Variants in HPSE2 observed in about 807,000 individuals in gnomAD.
The protein encoded by HPSE2 is heparanase 2 (inactive), also known as inactive heparanase-2.
Under a neutral mutation model 60.5 loss-of-function variants are expected in HPSE2, and 38 were observed. The ratio of observed to expected loss-of-function variants is 0.63; its 90% CI spans 0.48 to 0.82. The LOEUF is 0.82. Among genes scored for constraint, HPSE2 ranks in the 40% least tolerant of loss-of-function variants. The pLI is 0.00. For synonymous variants in HPSE2, 295 were observed against 293.2 expected (o/e 1.01, Z -0.06); for missense variants, 713 against 740.4 (o/e 0.96, Z 0.43).
chr10:98,548,263 A>T (rs535116151), intron 9 of HPSE2, among the ~76,000 whole-genome samples: 1 of 152,286 alleles, frequency 6.6e-6, no homozygotes, highest in South Asian at 2.1e-4. Flanking sequence ...GACAGAAAAA[A>T]GTATATTGTT....
At chr10:98,593,270 GA>G (rs1945139706) in intron 9 of HPSE2, among the ~76,000 whole-genome samples, 1 of 152,262 alleles carries the variant, frequency 6.6e-6, no homozygotes, top group Non-Finnish European at 1.5e-5. Flanking sequence ...CTGCACTTAG[GA>G]ATTACTGAGT....
chr10:99,182,806 C>A (rs1847826534), intron 2 of HPSE2, among the ~76,000 whole-genome samples: 1 of 152,022 alleles, frequency 6.6e-6, no homozygotes, highest in East Asian at 1.9e-4. Context: ...ACCATCCTGG[C>A]CAACATGGTG....
At chr10:98,645,139 A>T (rs1291560493) in intron 6 of HPSE2, among the ~76,000 whole-genome samples, 3 of 152,164 alleles carry the variant, frequency 2.0e-5, no homozygotes, top group Non-Finnish European at 4.4e-5. Flanking sequence ...CTTGGAGAAC[A>T]CTGTTGCCAA....
At chr10:98,571,650 C>T (rs147066407) in intron 9 of HPSE2, among the ~76,000 whole-genome samples, 10 of 150,830 alleles carry the variant, frequency 6.6e-5, no homozygotes, top group African/African-American at 2.4e-4. Flanking sequence ...TACTGGACTC[C>T]AATTTCAAAA....
chr10:98,567,486 T>C (rs952984987), intron 9 of HPSE2, among the ~76,000 whole-genome samples: 8 of 152,140 alleles, frequency 5.3e-5, no homozygotes, highest in Admixed American at 5.2e-4. Context: ...AGGTATTAAA[T>C]GTTTTGTGGT....
chr10:98,675,242 C>T (rs2134121515), intron 6 of HPSE2, among the ~76,000 whole-genome samples: 1 of 152,262 alleles, frequency 6.6e-6, no homozygotes, highest in African/African-American at 2.4e-5. Context: ...ACTTCTTTTA[C>T]ATCTGTGTTC....
At chr10:98,980,745 C>A (rs539463452) in intron 3 of HPSE2, among the ~76,000 whole-genome samples, 1 of 152,142 alleles carries the variant, frequency 6.6e-6, no homozygotes, top group Admixed American at 6.6e-5. Flanking sequence ...AGTATGGACG[C>A]TTTCTCAGGC....
At chr10:98,895,398 G>T (rs1953458315) in intron 3 of HPSE2, among the ~76,000 whole-genome samples, 1 of 152,112 alleles carries the variant, frequency 6.6e-6, no homozygotes, top group Admixed American at 6.5e-5. Context: ...TACAGCCACA[G>T]AGTCCATGTA....
chr10:98,869,429 A>C (rs557340347), intron 3 of HPSE2, among the ~76,000 whole-genome samples: 23 of 152,322 alleles, frequency 1.5e-4, no homozygotes, highest in Non-Finnish European at 2.5e-4. Context: ...CACTTACTAC[A>C]ACAATGTTGT....
chr10:98,695,597 T>C (rs17110694), intron 5 of HPSE2, among the ~76,000 whole-genome samples: 7,033 of 152,248 alleles, frequency 0.046, 428 homozygotes, highest in African/African-American at 0.14. Flanking sequence ...AGCTTCCCTA[T>C]TGCCTAGAGA....
chr10:99,211,146 GACA>G (rs1564897186), intron 2 of HPSE2, among the ~76,000 whole-genome samples: 1 of 150,212 alleles, frequency 6.7e-6, no homozygotes, highest in African/African-American at 2.5e-5. Context: ...AAGAAATGAA[GACA>G]ACAATTCTAT....
intron 3 of HPSE2, among the ~76,000 whole-genome samples, chr10:98,762,767 A>G (rs562163497): frequency 6.6e-6 from 1 of 152,324 alleles, no homozygotes; most frequent in East Asian, 1.9e-4. Context: ...AATGTCCAGA[A>G]TATGATTCAT....
At chr10:98,525,558 T>C (rs1291806153) in intron 9 of HPSE2, among the ~76,000 whole-genome samples, 1 of 152,168 alleles carries the variant, frequency 6.6e-6, no homozygotes, top group Admixed American at 6.5e-5. Flanking sequence ...GAGAAAACCA[T>C]GGCAGCTGCT....
intron 3 of HPSE2, among the ~76,000 whole-genome samples, chr10:99,014,345 C>T: frequency 6.6e-6 from 1 of 152,142 alleles, no homozygotes; most frequent in East Asian, 1.9e-4. Flanking sequence ...TTTCTTTATC[C>T]AGTGTATCAT....
At chr10:98,781,642 A>G (rs1456888043) in intron 3 of HPSE2, among the ~76,000 whole-genome samples, 500 of 151,524 alleles carry the variant, frequency 3.3e-3, no homozygotes, top group African/African-American at 0.012. Flanking sequence ...GTAATCAAAG[A>G]AATATAAATT....
At chr10:99,257,428 C>T in the HPSE2 span, among the ~76,000 whole-genome samples, 1 of 152,130 alleles carries the variant, frequency 6.6e-6, no homozygotes, top group South Asian at 2.1e-4. Context: ...TGAGGGTAGG[C>T]CTCTAAAATG....
At chr10:98,924,368 T>C (rs931390123) in intron 3 of HPSE2, 6 of 152,162 alleles carry the variant, frequency 3.9e-5, no homozygotes, top group East Asian at 3.9e-4. Flanking sequence ...CCCGTCAGGG[T>C]AGTGAGTTCT....
chr10:98,940,330 T>C (rs1441427980), intron 3 of HPSE2, among the ~76,000 whole-genome samples: 2 of 138,626 alleles, frequency 1.4e-5, no homozygotes, highest in Non-Finnish European at 3.1e-5. Flanking sequence ...ATTGACAGAC[T>C]GCTAGCAAGA....
intron 3 of HPSE2, among the ~76,000 whole-genome samples, chr10:99,125,939 A>T (rs1267425140): frequency 6.6e-6 from 1 of 152,152 alleles, no homozygotes; most frequent in African/African-American, 2.4e-5. Context: ...TGAAATCTGT[A>T]ATAATTTTGA....
Sources: gnomAD v4.1 joint callset for allele counts (sites outside exome capture counted in the v4.1 genomes callset) on GRCh38, gnomAD v4.1.1 for gene constraint, MANE v1.5 for transcripts, NCBI Gene and HGNC (gene_info 2026-07-23, HGNC 2026-07-21) for gene names.